Variants in NPEPL1 observed in about 807,000 individuals in gnomAD.
NPEPL1 encodes the protein probable aminopeptidase NPEPL1.
A neutral mutation model predicts 52.4 loss-of-function variants in NPEPL1; 45 were observed. The ratio of observed to expected loss-of-function variants is 0.86; its 90% CI spans 0.68 to 1.10. The LOEUF (loss-of-function observed/expected upper bound fraction) is 1.10. Among genes scored for constraint, NPEPL1 ranks in the 50% least tolerant of loss-of-function variants. NPEPL1 has a pLI of 0.00. For synonymous variants in NPEPL1, 360 were observed against 314.7 expected, an observed-to-expected ratio of 1.14 and a Z score of -1.52; for missense variants, 696 against 710.9, an observed-to-expected ratio of 0.98 and a Z score of 0.24.
chr20:58,709,009 C>G (rs1208490003), intron 7 of NPEPL1, among the ~76,000 whole-genome samples: 3 of 152,158 alleles, frequency 2.0e-5, no homozygotes, highest in Admixed American at 6.5e-5. Context: ...CAGGAAGACT[C>G]TTCTGAGCTT....
chr20:58,692,024 G>A, upstream of NPEPL1: 1 of 601,240 alleles, frequency 1.7e-6, no homozygotes, highest in Non-Finnish European at 3.0e-6. The surrounding 1 kb of genome is among the most constrained non-coding windows in gnomAD (Gnocchi z 5.7). Flanking sequence ...TAAGGCGACT[G>A]AGGTGACTCA....
At chr20:58,694,348 G>A (rs1485671572) in intron 2 of NPEPL1, 74 bp from the exon 3 acceptor site, 33 of 1,463,460 alleles carry the variant, frequency 2.3e-5, no homozygotes, top group Non-Finnish European at 2.8e-5. Context: ...TTCCGGAGGC[G>A]TTCAAAGAGC....
At chr20:58,705,565 G>C (rs1317453494) in intron 6 of NPEPL1, 1 of 456,192 alleles carries the variant, frequency 2.2e-6, no homozygotes, top group Non-Finnish European at 4.4e-6. Flanking sequence ...TCCAGCACAG[G>C]GGGTGTAAGT....
At chr20:58,710,525 C>T (rs1373359069) in intron 7 of NPEPL1, among the ~76,000 whole-genome samples, 2 of 151,894 alleles carry the variant, frequency 1.3e-5, no homozygotes, top group African/African-American at 4.8e-5. Flanking sequence ...GACCCACTTA[C>T]CAACCCAAAA....
Position 58,713,402 on chromosome 20 carries a change from A to T in NPEPL1, c.1002-18A>T. 2 of 1,585,894 alleles carry T rather than the reference A, an allele frequency of 1.3e-6. No individual in the cohort carries two copies. The highest frequency in any genetic ancestry group is 1.7e-6 in the Non-Finnish European group (2 of 1,163,408). On this transcript the variant is annotated intron_variant, in intron 8 of 11. Coordinates refer to ENST00000356091, the MANE Select transcript of NPEPL1 (RefSeq NM_024663.4). This position sits in a 1 kb window ranked among gnomAD's most constrained non-coding sequence, Gnocchi z 4.6. ...CAGGAAATCCCGTCCCTGAGCGGGG[A>T]TCTCTACCATGCCCCAGGACGGTGG...
chr20:58,708,625 A>G (rs1412155347), intron 7 of NPEPL1, among the ~76,000 whole-genome samples: 1 of 152,130 alleles, frequency 6.6e-6, no homozygotes, highest in East Asian at 1.9e-4. Context: ...CTGGTTATAA[A>G]CTACCAAGGG....
In NPEPL1 at chr20:58,715,288, G is replaced by T. The variant is rs765068166; in HGVS notation, c.1534G>T (p.Asp512Tyr). The change falls in exon 12 of 12, where the codon GAC (aspartate) becomes TAC (tyrosine). Residue 512 changes from aspartate (D) to tyrosine (Y), a missense_variant. By Grantham distance (160) the Asp-to-Tyr change is radical. Transcript: ENST00000356091. ...LGCEVDVEEGDLGRDSKRRRL... is the reference protein window; with the variant it reads ...LGCEVDVEEGYLGRDSKRRRL... ...CTGTGAGGTGGATGTCGAGGAGGGG[G>T]ACCTGGGGAGGGACTCCAAGAGACG... 1 of 1,611,494 alleles carries T rather than the reference G, an allele frequency of 6.2e-7. No individual in the cohort carries two copies. Among genetic ancestry groups the T allele is most frequent in the Non-Finnish European group, 8.5e-7 (1 of 1,179,232 alleles).
At chr20:58,703,477 C>A (rs1013128111) in intron 6 of NPEPL1, 1 of 973,122 alleles carries the variant, frequency 1.0e-6, no homozygotes, top group African/African-American at 2.2e-5. Context: ...TCGCACGCAC[C>A]CTCAATACCC....
At chr20:58,712,208 A>T (rs2084863081) in intron 7 of NPEPL1, among the ~76,000 whole-genome samples, 1 of 152,116 alleles carries the variant, frequency 6.6e-6, no homozygotes, top group African/African-American at 2.4e-5. Context: ...CATGCAGTCC[A>T]AGAGTCCCAC....
intron 5 of NPEPL1, among the ~76,000 whole-genome samples, chr20:58,700,603 G>A (rs1167679602): frequency 1.3e-5 from 2 of 152,232 alleles, no homozygotes; most frequent in Non-Finnish European, 2.9e-5. Flanking sequence ...GTGGTGCAGG[G>A]ACTGTGGGAG....
chr20:58,691,176 T>A, upstream of NPEPL1: 1 of 702,694 alleles, frequency 1.4e-6, no homozygotes. Flanking sequence ...CGTGTGCCTG[T>A]CTGCAACGTA....
intron 7 of NPEPL1, among the ~76,000 whole-genome samples, chr20:58,707,990 C>T (rs926574680): frequency 1.3e-5 from 2 of 152,034 alleles, no homozygotes; most frequent in African/African-American, 2.4e-5. Flanking sequence ...GCTGAGGTGG[C>T]GGAGGATCGA....
chr20:58,691,442 A>G, upstream of NPEPL1: 1 of 686,296 alleles, frequency 1.5e-6, no homozygotes, highest in Non-Finnish European at 2.6e-6. Flanking sequence ...AAAAAAAAAC[A>G]ACAAAAAGTC....
chr20:58,691,387 TTTTTTTTTTTTTTTGA>T, upstream of NPEPL1: 1 of 550,196 alleles, frequency 1.8e-6, no homozygotes. Flanking sequence ...TTTTTTTTTT[TTTTTTTTTTTTTTTGA>T]GTGCCTGCTC....
chr20:58,715,351 C>A lies in NPEPL1; in HGVS notation c.*25C>A. 1 of 1,580,008 alleles carries A rather than the reference C, an allele frequency of 6.3e-7. No homozygotes were observed. Among genetic ancestry groups the A allele is most frequent in the Non-Finnish European group, 8.6e-7 (1 of 1,163,072 alleles). ...AGCCTCCTGCCTCGGCCCTGACAAA[C>A]GGGGATCTTTTACCTCACTTTGCAC... On this transcript the variant is annotated 3_prime_UTR_variant, in exon 12 of 12. Coordinates refer to ENST00000356091, the MANE Select transcript of NPEPL1 (RefSeq NM_024663.4).
chr20:58,704,940 A>G (rs2084708455), intron 6 of NPEPL1, among the ~76,000 whole-genome samples: 1 of 152,180 alleles, frequency 6.6e-6, no homozygotes, highest in Non-Finnish European at 1.5e-5. Context: ...TTCATGGAAA[A>G]ATGAATGTTC....
In NPEPL1 at chr20:58,692,928, G is replaced by T; in HGVS notation, c.28G>T (p.Ala10Ser). 1 of 1,127,670 alleles carries T rather than the reference G, an allele frequency of 8.9e-7. No homozygotes were observed. The highest frequency in any genetic ancestry group is 1.1e-6 in the Non-Finnish European group (1 of 909,344). 69.9% of individuals were successfully genotyped at this position (1,127,670 alleles called of 1,614,324 possible). A position where few individuals can be genotyped will look rare whatever the true frequency, so the allele number is the denominator to read the frequency against. ...GGCGAACGTGGGGCTGCAGTTCCAG[G>T]CGAGCGCGGGGGACTCGGACCCACA... The part of the protein sequence containing the change: MANVGLQFQ[A>S]SAGDSDPQSR... The change falls in exon 1 of 12, where the codon GCG becomes TCG. Residue 10 changes from alanine (A) to serine (S), a missense_variant. Physicochemically the swap from Ala to Ser is moderately conservative, Grantham distance 99 (BLOSUM62 1). Coordinates refer to ENST00000356091, the MANE Select transcript of NPEPL1 (RefSeq NM_024663.4). This position sits in a 1 kb window ranked among gnomAD's most constrained non-coding sequence, Gnocchi z 5.7.
intron 6 of NPEPL1, among the ~76,000 whole-genome samples, chr20:58,706,731 C>T (rs1451395328): frequency 6.6e-6 from 1 of 152,138 alleles, no homozygotes; most frequent in East Asian, 1.9e-4. Context: ...GCGTGGCAGC[C>T]CGGGACTGAG....
At chr20:58,707,633 G>T (rs2084762527) in intron 7 of NPEPL1, among the ~76,000 whole-genome samples, 1 of 151,456 alleles carries the variant, frequency 6.6e-6, no homozygotes, top group Admixed American at 6.6e-5. Context: ...CCCCAGGCCT[G>T]GCCAGGCCCC....
Sources: allele counts gnomAD v4.1 joint callset (sites outside exome capture counted in the v4.1 genomes callset), GRCh38; gene constraint gnomAD v4.1.1; non-coding constraint Gnocchi (gnomAD v3.1); transcripts MANE v1.5; gene names NCBI Gene and HGNC (gene_info 2026-07-23, HGNC 2026-07-21).